Variants in DOCK2 observed in about 807,000 individuals in gnomAD.
DOCK2 encodes dedicator of cytokinesis 2.
Under a neutral mutation model 248.9 loss-of-function variants are expected in DOCK2, and 87 were observed. The ratio of observed to expected loss-of-function variants is 0.35; its 90% confidence interval spans 0.29 to 0.42. The LOEUF (loss-of-function observed/expected upper bound fraction) is 0.42, where lower values mean the gene tolerates loss of function less well. Ranked by LOEUF, DOCK2 falls within the 10% of genes least tolerant of loss-of-function variation. The probability of loss-of-function intolerance (pLI) is 1.00; values close to 1 mark genes in which losing one functional copy is unlikely to be tolerated. For missense variants in DOCK2, 1,747 were observed against 2,300.2 expected, an observed-to-expected ratio of 0.76 and a Z score of 4.92; for synonymous variants, 805 against 821.6, an observed-to-expected ratio of 0.98 and a Z score of 0.35.
chr5:170,042,801 G>T (rs1756566545), intron 38 of DOCK2, among the ~76,000 whole-genome samples: 1 of 152,156 alleles, frequency 6.6e-6, no homozygotes, highest in Non-Finnish European at 1.5e-5. Flanking sequence ...ACATCATCTT[G>T]TTCATTTTCT....
rs780654476 is a variant in DOCK2, at chr5:169,717,390, A to G, written c.2038A>G (p.Ile680Val). ...TGCCTTGCATCTTCCTCAGATTTAC[A>G]TAATAGGACTCATTGCAGACCGGAA... ...DILVFDALIY[I>V]IGLIADRKFQ... The change falls in exon 21 of 52, where the codon ATA becomes GTA. Residue 680 changes from isoleucine (I) to valine (V), a missense_variant. Physicochemically the swap from Ile to Val is conservative, Grantham distance 29. This residue lies in a region of DOCK2 where 858 missense variants were observed against 1,183.5 expected (regional missense o/e 0.72). Coordinates refer to ENST00000520908, the MANE Select transcript of DOCK2 (RefSeq NM_004946.3). 1.9e-6 allele frequency: 3 copies of G among 1,613,766 alleles called. No homozygotes were observed. Among genetic ancestry groups the G allele is most frequent in the Non-Finnish European group, 2.5e-6 (3 of 1,179,706 alleles).
At chr5:169,985,991 T>A in intron 29 of DOCK2, 69 bp downstream of exon 29, 1 of 1,383,214 alleles carries the variant, frequency 7.2e-7, no homozygotes, top group Middle Eastern at 1.9e-4. Context: ...TTATTTTGGG[T>A]TAAATTAGGG....
chr5:169,762,355 T>G (rs1764535774), intron 25 of DOCK2, among the ~76,000 whole-genome samples: 1 of 152,204 alleles, frequency 6.6e-6, no homozygotes, highest in Non-Finnish European at 1.5e-5. Flanking sequence ...CTTTCTTCAC[T>G]TAATGGTATA....
intron 2 of DOCK2, among the ~76,000 whole-genome samples, chr5:169,663,116 G>A (rs1487581474): frequency 3.3e-5 from 5 of 152,188 alleles, no homozygotes; most frequent in Admixed American, 1.3e-4. Flanking sequence ...AAACAAAGGG[G>A]CTACAGGCCT....
At chr5:170,053,987 G>T (rs114300668) in intron 41 of DOCK2, among the ~76,000 whole-genome samples, 1 of 152,182 alleles carries the variant, frequency 6.6e-6, no homozygotes, top group African/African-American at 2.4e-5. Context: ...AAGCAAAGAC[G>T]AAGGCTGTGG....
intron 26 of DOCK2, among the ~76,000 whole-genome samples, chr5:169,813,935 G>A (rs567227121): frequency 2.5e-4 from 38 of 152,268 alleles, no homozygotes; most frequent in Non-Finnish European, 3.8e-4. Flanking sequence ...GGAGATTGTC[G>A]TCTTTCACCT....
At position 169,759,541 on chromosome 5, in the gene DOCK2, C is replaced by T. The variant is rs74801108; in HGVS notation, c.2377-164C>T. ...CTTCACTTTTGTATACAAAGAAGTC[C>T]GTGCTTATGTTTTGATGTCCATACA... On this transcript the variant is annotated intron_variant, in intron 23 of 51. Coordinates refer to ENST00000520908, the MANE Select transcript of DOCK2 (RefSeq NM_004946.3). Among the ~76,000 whole-genome samples, 1,517 of 152,250 alleles carry T rather than the reference C, an allele frequency of 1.0e-2. 25 individuals carry two copies. Among genetic ancestry groups the T allele is most frequent in the African/African-American group, 0.035 (1,441 of 41,524 alleles).
chr5:170,009,201 T>C (rs930390705), intron 32 of DOCK2, among the ~76,000 whole-genome samples: 1 of 152,100 alleles, frequency 6.6e-6, no homozygotes, highest in Non-Finnish European at 1.5e-5. Flanking sequence ...CCCCAGAAGC[T>C]GTCTCTGCCT....
intron 26 of DOCK2, among the ~76,000 whole-genome samples, chr5:169,819,828 C>T (rs1230186066): frequency 1.3e-5 from 2 of 152,196 alleles, no homozygotes; most frequent in Admixed American, 1.3e-4. Flanking sequence ...GAGGCATCAC[C>T]TCATCCAGGA....
intron 27 of DOCK2, among the ~76,000 whole-genome samples, chr5:169,898,818 G>T (rs1773760137): frequency 6.6e-6 from 1 of 152,164 alleles, no homozygotes; most frequent in South Asian, 2.1e-4. Context: ...ACCCAAACAG[G>T]TAGCAGGCAA....
At chr5:169,655,436 G>A (rs955958703) in intron 2 of DOCK2, among the ~76,000 whole-genome samples, 2 of 152,236 alleles carry the variant, frequency 1.3e-5, no homozygotes, top group African/African-American at 4.8e-5. Flanking sequence ...GGAGGCAGGT[G>A]TGCCACTGTG....
At chr5:169,934,440 C>A (rs1278474520) in intron 27 of DOCK2, among the ~76,000 whole-genome samples, 1 of 152,168 alleles carries the variant, frequency 6.6e-6, no homozygotes, top group Non-Finnish European at 1.5e-5. Flanking sequence ...GGCAGGGTGT[C>A]CCCAGTGCCC....
chr5:169,715,601 T>C (rs1761853799), intron 19 of DOCK2, among the ~76,000 whole-genome samples: 1 of 152,084 alleles, frequency 6.6e-6, no homozygotes, highest in African/African-American at 2.4e-5. Flanking sequence ...TTTTCTTTTT[T>C]TTTTTTTAAA....
Position 170,055,335 on chromosome 5 carries a change from T to C in DOCK2, c.4244T>C (p.Leu1415Ser), listed in dbSNP as rs768796478. ...YIQCFTVQPVLDEHPRFKNKP... is the reference protein window; with the variant it reads ...YIQCFTVQPVSDEHPRFKNKP... The stretch of plus-strand genomic sequence containing the variant: ...CAGTGCTTCACTGTCCAGCCTGTCT[T>C]GGATGAACATCCCAGGTTCAAGAAT... Residue 1415 changes from leucine to serine, a missense_variant, in exon 42 of 52, where the codon TTG becomes TCG. Coordinates refer to ENST00000520908, the MANE Select transcript of DOCK2 (RefSeq NM_004946.3). 4 of 1,614,120 alleles carry C rather than the reference T, an allele frequency of 2.5e-6. No individual in the cohort carries two copies. The highest frequency in any genetic ancestry group is 3.4e-6 in the Non-Finnish European group (4 of 1,179,930).
rs190071853 is a variant in DOCK2, at chr5:169,862,231, C to T, written c.2799+21379C>T. On this transcript the variant is annotated intron_variant, in intron 27 of 51. Coordinates refer to ENST00000520908, the MANE Select transcript of DOCK2 (RefSeq NM_004946.3). ...TGTATTCAAGAATGGACAAACAGGC[C>T]GGGAAATTTAAGCCATTTGCCAAAG... Among the ~76,000 whole-genome samples, 338 of 152,250 alleles carry T rather than the reference C, an allele frequency of 2.2e-3. 2 individuals carry two copies. Among genetic ancestry groups the T allele is most frequent in the Admixed American group, 4.0e-3 (61 of 15,290 alleles).
chr5:169,981,943 G>A (rs1297747002), intron 27 of DOCK2, among the ~76,000 whole-genome samples: 2 of 151,832 alleles, frequency 1.3e-5, no homozygotes, highest in Admixed American at 1.3e-4. Flanking sequence ...TCACTTTATT[G>A]CGGTGGTCTG....
At position 169,637,754 on chromosome 5, in the gene DOCK2, T is replaced by G. The variant is rs1028797698; in HGVS notation, c.43+385T>G. On this transcript the variant is annotated intron_variant, in intron 1 of 51. Coordinates refer to ENST00000520908, the MANE Select transcript of DOCK2 (RefSeq NM_004946.3). Reference sequence around the variant, plus strand: ...ACTCTCCCCTGGCTCAGCCTTGGCCTGCCCACCATGCATACTTCCACCCCC... The same window carrying G: ...ACTCTCCCCTGGCTCAGCCTTGGCCGGCCCACCATGCATACTTCCACCCCC... Among the ~76,000 whole-genome samples, 15 of 152,302 alleles carry G rather than the reference T, an allele frequency of 9.8e-5. 1 individual carries two copies. Among genetic ancestry groups the G allele is most frequent in the African/African-American group, 3.6e-4 (15 of 41,570 alleles).
chr5:169,871,414 T>TGAAAG (rs1771962053), intron 27 of DOCK2, among the ~76,000 whole-genome samples: 4 of 152,326 alleles, frequency 2.6e-5, no homozygotes, highest in Non-Finnish European at 5.9e-5. Context: ...ATGATGGTCA[T>TGAAAG]TTATGGAATG....
At chr5:170,013,280 T>A (rs1440150982) in intron 32 of DOCK2, among the ~76,000 whole-genome samples, 1 of 152,034 alleles carries the variant, frequency 6.6e-6, no homozygotes, top group Non-Finnish European at 1.5e-5. Context: ...ACTCATTCGT[T>A]TACTAACCAA....
Sources: allele counts gnomAD v4.1 joint callset (sites outside exome capture counted in the v4.1 genomes callset), GRCh38; gene constraint gnomAD v4.1.1; regional missense constraint gnomAD v4.1.1; transcripts MANE v1.5; gene names NCBI Gene and HGNC (gene_info 2026-07-23, HGNC 2026-07-21).